The following PDE1A variants were observed in gnomAD, a reference collection of about 807,000 sequenced individuals.
PDE1A encodes dual specificity calcium/calmodulin-dependent 3',5'-cyclic nucleotide phosphodiesterase 1A.
Under a neutral mutation model 61.7 loss-of-function variants are expected in PDE1A, and 35 were observed. That is an observed-to-expected ratio of 0.57 (90% CI 0.43 to 0.75). The LOEUF is 0.75. PDE1A is among the 30% of genes least tolerant of loss of function. The probability of loss-of-function intolerance (pLI) is 0.00; values close to 1 mark genes in which losing one functional copy is unlikely to be tolerated. For missense variants in PDE1A, 597 were observed against 630.6 expected, an observed-to-expected ratio of 0.95 and a Z score of 0.57; for synonymous variants, 232 against 213.2, an observed-to-expected ratio of 1.09 and a Z score of -0.77.
chr2:182,166,255 G>A (rs1691644764), downstream of PDE1A, among the ~76,000 whole-genome samples: 1 of 152,094 alleles, frequency 6.6e-6, no homozygotes. Flanking sequence ...TGAGTCAGTG[G>A]GCTGAGAGAG....
At chr2:182,263,254 T>A (rs893822779) in intron 2 of PDE1A, among the ~76,000 whole-genome samples, 5 of 152,162 alleles carry the variant, frequency 3.3e-5, no homozygotes, top group Admixed American at 1.3e-4. Flanking sequence ...TTTGCTGTCA[T>A]CTATGTGACA....
At chr2:182,182,141 T>C (rs1199975185) in intron 13 of PDE1A, among the ~76,000 whole-genome samples, 2 of 152,198 alleles carry the variant, frequency 1.3e-5, no homozygotes, top group Non-Finnish European at 2.9e-5. Context: ...TCGAGAAGTA[T>C]GGCACATGCA....
the PDE1A span, among the ~76,000 whole-genome samples, chr2:182,661,909 C>T: frequency 6.6e-6 from 1 of 151,836 alleles, no homozygotes; most frequent in African/African-American, 2.4e-5. Flanking sequence ...CATAAAGACA[C>T]ACATTCTGCC....
intron 1 of PDE1A, among the ~76,000 whole-genome samples, chr2:182,304,068 T>G (rs559439375): frequency 1.8e-4 from 28 of 152,158 alleles, no homozygotes; most frequent in African/African-American, 6.7e-4. Flanking sequence ...GACCAGCTAA[T>G]TTTTGTATTT....
At chr2:182,426,948 T>G (rs1042297446) in exon 1 of PDE1A, 1 of 1,071,748 alleles carries the variant, frequency 9.3e-7, no homozygotes, top group African/African-American at 1.7e-5. Context: ...AACAGAAAAC[T>G]TCCTACCCCA....
chr2:182,552,066 C>T, the PDE1A span, among the ~76,000 whole-genome samples: 1 of 152,130 alleles, frequency 6.6e-6, no homozygotes, highest in Non-Finnish European at 1.5e-5. Context: ...TCACATACAA[C>T]TCTTTGAAAC....
intron 1 of PDE1A, among the ~76,000 whole-genome samples, chr2:182,389,496 C>T (rs1701299537): frequency 6.6e-6 from 1 of 151,998 alleles, no homozygotes; most frequent in East Asian, 1.9e-4. Flanking sequence ...TAAAAAAATA[C>T]TTAATATCAG....
the PDE1A span, among the ~76,000 whole-genome samples, chr2:182,611,807 G>C: frequency 3.3e-5 from 5 of 151,906 alleles, no homozygotes; most frequent in African/African-American, 1.2e-4. Flanking sequence ...ACAAAAATAA[G>C]CAAATAAAGA....
chr2:182,475,333 T>C (rs1228838112), intron 2 of PDE1A, among the ~76,000 whole-genome samples: 1 of 151,886 alleles, frequency 6.6e-6, no homozygotes, highest in African/African-American at 2.4e-5. Flanking sequence ...GCCCCACTAA[T>C]GGAGGCAAGA....
At chr2:182,214,102 G>A (rs1396150378) in intron 7 of PDE1A, among the ~76,000 whole-genome samples, 1 of 150,110 alleles carries the variant, frequency 6.7e-6, no homozygotes, top group Admixed American at 6.6e-5. Flanking sequence ...GAAGAGAGTG[G>A]GGGCCAATAT....
the PDE1A span, among the ~76,000 whole-genome samples, chr2:182,568,526 C>A: frequency 1.3e-5 from 2 of 152,006 alleles, no homozygotes; most frequent in African/African-American, 4.8e-5. Context: ...GTTAGCCAGG[C>A]GCAGTGGCGG....
chr2:182,257,741 C>T (rs1163690312), intron 2 of PDE1A, among the ~76,000 whole-genome samples: 1 of 152,174 alleles, frequency 6.6e-6, no homozygotes, highest in African/African-American at 2.4e-5. Flanking sequence ...AGGTCCTGAA[C>T]TCAGGACAGC....
At chr2:182,241,055 T>A (rs1234297853) in intron 2 of PDE1A, among the ~76,000 whole-genome samples, 9 of 152,148 alleles carry the variant, frequency 5.9e-5, no homozygotes. Flanking sequence ...ACGCTCTGTA[T>A]AAGCTCCAGG....
chr2:182,243,414 C>G (rs1690708441), intron 2 of PDE1A, among the ~76,000 whole-genome samples: 1 of 152,024 alleles, frequency 6.6e-6, no homozygotes, highest in African/African-American at 2.4e-5. Flanking sequence ...TCTATCTATT[C>G]CAGATAGAAA....
the PDE1A span, among the ~76,000 whole-genome samples, chr2:182,643,107 A>T: frequency 6.6e-6 from 1 of 152,166 alleles, no homozygotes; most frequent in African/African-American, 2.4e-5. Context: ...CCTTTGCTTC[A>T]GGCCCAAAGA....
At chr2:182,196,237 A>T (rs1433478165) in intron 10 of PDE1A, among the ~76,000 whole-genome samples, 2 of 152,002 alleles carry the variant, frequency 1.3e-5, no homozygotes, top group East Asian at 1.9e-4. Context: ...GTTTACTTTT[A>T]AAAATCCAGA....
the PDE1A span, among the ~76,000 whole-genome samples, chr2:182,603,978 G>C: frequency 2.6e-5 from 4 of 151,664 alleles, no homozygotes; most frequent in Non-Finnish European, 4.4e-5. Flanking sequence ...TTTCATAAAA[G>C]TGATATTTTA....
chr2:182,602,356 G>T, the PDE1A span, among the ~76,000 whole-genome samples: 1 of 152,244 alleles, frequency 6.6e-6, no homozygotes, highest in Non-Finnish European at 1.5e-5. Flanking sequence ...GACAGCGGTT[G>T]TGCTGTCTGG....
the PDE1A span, among the ~76,000 whole-genome samples, chr2:182,582,998 T>A: frequency 6.6e-6 from 1 of 152,188 alleles, no homozygotes; most frequent in African/African-American, 2.4e-5. Context: ...TTAAAATAAC[T>A]ACAGCATAGC....
Sources: allele counts gnomAD v4.1 joint callset (sites outside exome capture counted in the v4.1 genomes callset), GRCh38; gene constraint gnomAD v4.1.1; transcripts MANE v1.5; gene names NCBI Gene and HGNC (gene_info 2026-07-23, HGNC 2026-07-21).